DACH1: variants seen among roughly 807,000 people sequenced by gnomAD.
DACH1 encodes the protein dachshund family transcription factor 1.
Under a neutral mutation model 54.2 loss-of-function variants are expected in DACH1, and 12 were observed. The observed-to-expected ratio is 0.22, with a 90% CI of 0.14 to 0.36. The LOEUF (loss-of-function observed/expected upper bound fraction) is 0.36. DACH1 is among the 10% of genes least tolerant of loss of function. The pLI, the probability that DACH1 is intolerant of heterozygous loss-of-function variation, is 1.00. For missense variants in DACH1, 805 were observed against 929.8 expected, an observed-to-expected ratio of 0.87 and a Z score of 1.75; for synonymous variants, 386 against 366.2, an observed-to-expected ratio of 1.05 and a Z score of -0.62.
At chr13:71,451,224 T>A (rs1875023824) in intron 10 of DACH1, among the ~76,000 whole-genome samples, 1 of 152,124 alleles carries the variant, frequency 6.6e-6, no homozygotes. Flanking sequence ...TGCTAAAACC[T>A]AAATGTTGTT....
At chr13:71,689,476 CA>C (rs1881364872) in intron 1 of DACH1, among the ~76,000 whole-genome samples, 1 of 151,912 alleles carries the variant, frequency 6.6e-6, no homozygotes, top group South Asian at 2.1e-4. Context: ...TCACCATTAT[CA>C]AAAAAATTAA....
intron 1 of DACH1, among the ~76,000 whole-genome samples, chr13:71,740,652 T>C (rs955969423): frequency 4.6e-5 from 7 of 152,168 alleles, no homozygotes; most frequent in African/African-American, 1.7e-4. Flanking sequence ...GCAACAGTCA[T>C]AAAGCTGAAT....
chr13:71,827,789 T>C (rs766179080), intron 1 of DACH1, among the ~76,000 whole-genome samples: 108 of 152,062 alleles, frequency 7.1e-4, no homozygotes, highest in Non-Finnish European at 1.3e-3. Flanking sequence ...AATATATAGC[T>C]GATTAGGATT....
intron 7 of DACH1, among the ~76,000 whole-genome samples, chr13:71,484,201 A>AG (rs1555285988): frequency 6.6e-6 from 1 of 152,012 alleles, no homozygotes; most frequent in Non-Finnish European, 1.5e-5. Context: ...TCACTCAGTC[A>AG]CCCAGGGTGG....
intron 1 of DACH1, among the ~76,000 whole-genome samples, chr13:71,819,884 T>C (rs1888117986): frequency 6.6e-6 from 1 of 151,678 alleles, no homozygotes; most frequent in African/African-American, 2.4e-5. Context: ...TATAACACAA[T>C]GTGACAAAGG....
At chr13:71,675,048 A>G (rs1168083553) in intron 2 of DACH1, 5 of 1,051,152 alleles carry the variant, frequency 4.8e-6, no homozygotes, top group Non-Finnish European at 7.4e-6. Flanking sequence ...GGGGTAAGTA[A>G]GGAGGTCTCT....
At chr13:71,561,142 T>A (rs1446757787) in intron 4 of DACH1, among the ~76,000 whole-genome samples, 2 of 152,164 alleles carry the variant, frequency 1.3e-5, no homozygotes, top group Non-Finnish European at 2.9e-5. Flanking sequence ...TCAAAGTGAT[T>A]CCATTAGCAC....
intron 6 of DACH1, among the ~76,000 whole-genome samples, chr13:71,539,235 C>T (rs1882988139): frequency 1.3e-5 from 2 of 152,014 alleles, no homozygotes; most frequent in South Asian, 4.1e-4. Context: ...TTGCTTCTGT[C>T]TCTTGAACTT....
chr13:71,734,124 TAC>T (rs1883879236), intron 1 of DACH1, among the ~76,000 whole-genome samples: 6 of 151,270 alleles, frequency 4.0e-5, no homozygotes, highest in Admixed American at 2.0e-4. Context: ...GTATATGGGA[TAC>T]ATATATACCC....
chr13:71,721,111 TA>T (rs1883210424), intron 1 of DACH1, among the ~76,000 whole-genome samples: 1 of 152,136 alleles, frequency 6.6e-6, no homozygotes, highest in African/African-American at 2.4e-5. Context: ...TTGAAGAAAG[TA>T]AAAATCTATA....
At chr13:71,721,775 A>G (rs1035142574) in intron 1 of DACH1, among the ~76,000 whole-genome samples, 2 of 152,160 alleles carry the variant, frequency 1.3e-5, no homozygotes, top group Non-Finnish European at 2.9e-5. Context: ...CCTTAAAAGT[A>G]TGTTGGAAAA....
At chr13:71,650,471 A>G (rs1464498665) in intron 2 of DACH1, among the ~76,000 whole-genome samples, 1 of 152,212 alleles carries the variant, frequency 6.6e-6, no homozygotes, top group African/African-American at 2.4e-5. Flanking sequence ...ACTGAATAAA[A>G]GTTAAAATAT....
chr13:71,709,904 G>A (rs1882628961), intron 1 of DACH1, among the ~76,000 whole-genome samples: 1 of 152,102 alleles, frequency 6.6e-6, no homozygotes. Flanking sequence ...CAGTGGTGGA[G>A]TGGCGTGATC....
intron 1 of DACH1, among the ~76,000 whole-genome samples, chr13:71,842,350 G>A (rs1041879092): frequency 6.6e-6 from 1 of 151,992 alleles, no homozygotes; most frequent in Non-Finnish European, 1.5e-5. Flanking sequence ...CAAAGTGGGT[G>A]GATTGCTTGA....
At chr13:71,542,952 C>G (rs1198268919) in intron 6 of DACH1, among the ~76,000 whole-genome samples, 2 of 152,064 alleles carry the variant, frequency 1.3e-5, no homozygotes, top group Non-Finnish European at 2.9e-5. Flanking sequence ...TATGAAAGCT[C>G]TTAGTCTAAC....
At chr13:71,482,484 A>G (rs1878124832) in intron 7 of DACH1, among the ~76,000 whole-genome samples, 1 of 152,194 alleles carries the variant, frequency 6.6e-6, no homozygotes, top group Non-Finnish European at 1.5e-5. Context: ...TTTGTTCTCA[A>G]TAATGTGTTG....
At chr13:71,498,589 G>C (rs1167256397) in intron 6 of DACH1, among the ~76,000 whole-genome samples, 1 of 151,656 alleles carries the variant, frequency 6.6e-6, no homozygotes, top group Non-Finnish European at 1.5e-5. Context: ...GATTCAAATG[G>C]CACCTGGTGC....
intron 3 of DACH1, among the ~76,000 whole-genome samples, chr13:71,603,251 A>G (rs1874634118): frequency 6.6e-6 from 1 of 151,980 alleles, no homozygotes; most frequent in Non-Finnish European, 1.5e-5. Flanking sequence ...GGACATGTAT[A>G]CCAATGGTGG....
At chr13:71,840,248 T>C (rs1414171592) in intron 1 of DACH1, among the ~76,000 whole-genome samples, 1 of 152,144 alleles carries the variant, frequency 6.6e-6, no homozygotes, top group Non-Finnish European at 1.5e-5. Context: ...ACGCTGGGTC[T>C]ACAGCCTTAA....
Sources: allele counts gnomAD v4.1 joint callset (sites outside exome capture counted in the v4.1 genomes callset), GRCh38; gene constraint gnomAD v4.1.1; transcripts MANE v1.5; gene names NCBI Gene and HGNC (gene_info 2026-07-23, HGNC 2026-07-21).